The following TRIM71 variants were observed in gnomAD, a reference collection of about 807,000 sequenced individuals.
The protein encoded by TRIM71 is tripartite motif containing 71.
A neutral mutation model predicts 61.2 loss-of-function variants in TRIM71; 9 were observed. That is an observed-to-expected ratio of 0.15 (90% CI 0.09 to 0.26). The LOEUF (loss-of-function observed/expected upper bound fraction) is 0.26. Ranked by LOEUF, TRIM71 falls within the 10% of genes least tolerant of loss-of-function variation. The pLI is 1.00. For missense variants in TRIM71, 998 were observed against 1,238.7 expected (o/e 0.81, Z 2.92); for synonymous variants, 645 against 553.2 (o/e 1.17, Z -2.33).
intron 1 of TRIM71, among the ~76,000 whole-genome samples, chr3:32,873,315 A>T (rs888756496): frequency 1.3e-5 from 2 of 152,056 alleles, no homozygotes; most frequent in Non-Finnish European, 2.9e-5. Context: ...TTGCATTACT[A>T]CCTGTGGTGT....
intron 1 of TRIM71, among the ~76,000 whole-genome samples, chr3:32,868,675 G>T (rs1696765264): frequency 6.9e-6 from 1 of 145,910 alleles, no homozygotes. Context: ...ACAATTGAGT[G>T]AGACATTAGG....
chr3:32,818,211 G>A lies in TRIM71; in HGVS notation c.131G>A (p.Gly44Asp), dbSNP rs1286514723. The change falls in exon 1 of 4, where the codon GGC becomes GAC. Residue 44 changes from glycine to aspartate, a missense_variant. Around this residue, in one of 5 missense-constraint regions of TRIM71, gnomAD observed 527 missense variants for 427.8 expected, o/e 1.23. Coordinates refer to ENST00000383763, the MANE Select transcript of TRIM71 (RefSeq NM_001039111.3). ...TCGCAGACGTCCACGTCGTCGGGGG[G>A]CGGCGGCGGGGGCCCTGGGGCGGCG... Reference protein sequence around the residue: ...SSSQTSTSSGGGGGGPGAAAR... With the variant: ...SSSQTSTSSGDGGGGPGAAAR... 4 of 1,556,188 alleles carry A rather than the reference G, an allele frequency of 2.6e-6. No homozygotes were observed. The highest frequency in any genetic ancestry group is 3.5e-6 in the Non-Finnish European group (4 of 1,157,210).
intron 1 of TRIM71, among the ~76,000 whole-genome samples, chr3:32,836,117 C>A (rs1388571375): frequency 3.9e-5 from 6 of 152,194 alleles, no homozygotes; most frequent in African/African-American, 1.4e-4. Flanking sequence ...CCTCCCCCGA[C>A]AGCTCCCCCA....
chr3:32,861,349 C>G (rs1232503875), intron 1 of TRIM71, among the ~76,000 whole-genome samples: 2 of 150,714 alleles, frequency 1.3e-5, no homozygotes, highest in African/African-American at 4.8e-5. Context: ...CCAGGCTGGT[C>G]TCGAACTCCT....
intron 1 of TRIM71, among the ~76,000 whole-genome samples, chr3:32,859,049 T>A (rs1696637512): frequency 6.6e-6 from 1 of 152,136 alleles, no homozygotes. Flanking sequence ...GGGTTTCTCC[T>A]GGCTTCGTGA....
At chr3:32,860,454 C>T (rs1335751638) in intron 1 of TRIM71, among the ~76,000 whole-genome samples, 1 of 152,122 alleles carries the variant, frequency 6.6e-6, no homozygotes, top group Non-Finnish European at 1.5e-5. Context: ...CTGCACCTGA[C>T]CCCTCACACC....
chr3:32,825,942 T>C (rs1696195447), intron 1 of TRIM71, among the ~76,000 whole-genome samples: 1 of 152,178 alleles, frequency 6.6e-6, no homozygotes, highest in Non-Finnish European at 1.5e-5. Flanking sequence ...TTGACTGTTT[T>C]GATTGACAAG....
Position 32,818,385 on chromosome 3 carries a change from A to AGGC in TRIM71, c.311_313dup (p.Ala104dup). Reference sequence around the variant, plus strand: ...TGCGACCAGAAAGTAGTGCTAGCCGAGGCGGCGGGTATGGACGCGCTGCCT... The same window carrying AGGC: ...TGCGACCAGAAAGTAGTGCTAGCCGAGGCGGCGGCGGGTATGGACGCGCTGCCT... On this transcript the variant is annotated inframe_insertion, in exon 1 of 4. Transcript: ENST00000383763. 2.0e-6 allele frequency: 3 copies of AGGC among 1,479,222 alleles called. No individual in the cohort carries two copies. Among genetic ancestry groups the AGGC allele is most frequent in the Non-Finnish European group, 2.7e-6 (3 of 1,119,742 alleles). 91.6% of individuals were successfully genotyped at this position (1,479,222 alleles called of 1,614,324 possible). A position where few individuals can be genotyped will look rare whatever the true frequency, so the allele number is the denominator to read the frequency against.
chr3:32,839,816 G>A (rs113125689), intron 1 of TRIM71, among the ~76,000 whole-genome samples: 96 of 151,820 alleles, frequency 6.3e-4, no homozygotes, highest in African/African-American at 2.2e-3. Flanking sequence ...CATTGAAGGT[G>A]GGGTGCTGCC....
rs1221112396 is a variant in TRIM71 at position 32,894,053 on chromosome 3, C to G, written c.*2242C>G. On this transcript the variant is annotated 3_prime_UTR_variant, in exon 4 of 4. Coordinates refer to ENST00000383763, the MANE Select transcript of TRIM71 (RefSeq NM_001039111.3). ...CCTTCCCCAATGCCTATTCAGTTGC[C>G]TTTTGGCCGTTAAGCTCTAAGTTCT... 1 of 152,060 alleles carries G rather than the reference C, an allele frequency of 6.6e-6. No homozygotes were observed. The highest frequency in any genetic ancestry group is 1.5e-5 in the Non-Finnish European group (1 of 68,012). The allele number at this position is 152,060 out of a possible 1,614,324, so 9.4% of individuals were successfully genotyped here.
intron 2 of TRIM71, among the ~76,000 whole-genome samples, chr3:32,884,823 C>G (rs1297715181): frequency 6.6e-6 from 1 of 152,142 alleles, no homozygotes; most frequent in African/African-American, 2.4e-5. Context: ...GTTTTATCAG[C>G]TGAGAACTAT....
At chr3:32,824,357 CTTT>C (rs1229852096) in intron 1 of TRIM71, among the ~76,000 whole-genome samples, 2 of 141,678 alleles carry the variant, frequency 1.4e-5, no homozygotes, top group Non-Finnish European at 1.6e-5. Flanking sequence ...TTTTTTCTTT[CTTT>C]TTTTTTTTTT....
At chr3:32,870,760 C>T (rs537162146) in intron 1 of TRIM71, among the ~76,000 whole-genome samples, 9 of 152,246 alleles carry the variant, frequency 5.9e-5, no homozygotes, top group Non-Finnish European at 1.0e-4. Flanking sequence ...TTTATAGTTA[C>T]ATAGTTGGAG....
At chr3:32,826,463 A>G (rs1260387713) in intron 1 of TRIM71, among the ~76,000 whole-genome samples, 1 of 151,432 alleles carries the variant, frequency 6.6e-6, no homozygotes, top group Non-Finnish European at 1.5e-5. Context: ...TCCAAACCTG[A>G]GTTTTAGAGA....
intron 2 of TRIM71, among the ~76,000 whole-genome samples, chr3:32,879,453 C>T (rs1386121043): frequency 1.3e-5 from 2 of 152,136 alleles, no homozygotes; most frequent in African/African-American, 4.8e-5. Context: ...AGGACCTTTT[C>T]TTTCACTTGA....
intron 1 of TRIM71, among the ~76,000 whole-genome samples, chr3:32,858,595 C>T (rs1348778769): frequency 6.6e-6 from 1 of 152,126 alleles, no homozygotes; most frequent in African/African-American, 2.4e-5. Context: ...GCCTGAGCCT[C>T]CCTGGCCACC....
At position 32,843,018 on chromosome 3, in the gene TRIM71, G is replaced by A. The variant is rs116350305; in HGVS notation, c.852+24086G>A. 4.5e-3 allele frequency among the ~76,000 whole-genome samples: 686 copies of A among 151,890 alleles called. 2 individuals carry two copies. The highest frequency in any genetic ancestry group is 0.015 in the African/African-American group (613 of 41,402). On this transcript the variant is annotated intron_variant, in intron 1 of 3. Coordinates refer to ENST00000383763, the MANE Select transcript of TRIM71 (RefSeq NM_001039111.3). The stretch of plus-strand genomic sequence containing the variant: ...CCTTGGTCTTCTGTAATTGGAGGGC[G>A]GGGGTGGGACTATTTATAGGATTAT...
At chr3:32,863,677 A>ATTTGTT (rs989245240) in intron 1 of TRIM71, among the ~76,000 whole-genome samples, 10 of 151,818 alleles carry the variant, frequency 6.6e-5, no homozygotes, top group East Asian at 1.9e-4. Context: ...ATATTTATTT[A>ATTTGTT]TTTGTTTTTG....
chr3:32,826,657 G>A (rs1431213816), intron 1 of TRIM71, among the ~76,000 whole-genome samples: 1 of 142,876 alleles, frequency 7.0e-6, no homozygotes, highest in East Asian at 2.0e-4. Context: ...TGTTGGTCAG[G>A]CTGGTCTCAA....
Sources: allele counts gnomAD v4.1 joint callset (sites outside exome capture counted in the v4.1 genomes callset), GRCh38; gene constraint gnomAD v4.1.1; regional missense constraint gnomAD v4.1.1; transcripts MANE v1.5; gene names NCBI Gene and HGNC (gene_info 2026-07-23, HGNC 2026-07-21).